The following PANK1 variants were observed in gnomAD, a reference collection of about 807,000 sequenced individuals.
PANK1 encodes pantothenic acid kinase 1.
In PANK1, 18 loss-of-function variants were observed where a neutral mutation model predicts 40.1. The ratio of observed to expected loss-of-function variants is 0.45; its 90% CI spans 0.31 to 0.67. The LOEUF is 0.67. Among genes scored for constraint, PANK1 ranks in the 30% least tolerant of loss-of-function variants. PANK1 has a pLI of 0.06. For synonymous variants in PANK1, 242 were observed against 237.7 expected, an observed-to-expected ratio of 1.02 and a Z score of -0.17; for missense variants, 457 against 599.6, an observed-to-expected ratio of 0.76 and a Z score of 2.48.
intron 4 of PANK1, 71 bp from the exon 5 acceptor site, chr10:89,593,391 T>TTG: frequency 3.3e-6 from 5 of 1,515,486 alleles, no homozygotes; most frequent in Middle Eastern, 2.3e-4. Flanking sequence ...ACCAAAGTAT[T>TTG]GTGGAAGGCT....
In PANK1 at chr10:89,583,529, G is replaced by A. The variant is rs1844099117; in HGVS notation, c.*877C>T. ...CAAATTTCTTGCACAAAGATTTGCT[G>A]CCATTCATATTCTGTGCATGGATGA... On this transcript the variant is annotated 3_prime_UTR_variant, in exon 7 of 7. Coordinates refer to ENST00000307534, the MANE Select transcript of PANK1 (RefSeq NM_148977.3). The A allele has an allele frequency of 6.6e-6, 1 of 152,152 alleles. No individual in the cohort carries two copies. Among genetic ancestry groups the A allele is most frequent in the Non-Finnish European group, 1.5e-5 (1 of 68,026 alleles). The allele number at this position is 152,152 out of a possible 1,614,324, so 9.4% of individuals were successfully genotyped here.
chr10:89,626,169 G>A (rs1450914528), intron 1 of PANK1: 1 of 152,162 alleles, frequency 6.6e-6, no homozygotes, highest in Admixed American at 6.5e-5. Context: ...CTGTGCAGAG[G>A]AGGTGGGAGG....
At chr10:89,614,731 AG>A (rs1845267246) in intron 1 of PANK1, among the ~76,000 whole-genome samples, 1 of 152,062 alleles carries the variant, frequency 6.6e-6, no homozygotes, top group African/African-American at 2.4e-5. Context: ...AGGGAGGCAG[AG>A]GTTGCAGCGA....
intron 1 of PANK1, among the ~76,000 whole-genome samples, chr10:89,636,881 A>G (rs932370258): frequency 6.2e-5 from 9 of 146,096 alleles, no homozygotes; most frequent in African/African-American, 2.3e-4. Flanking sequence ...TTTTTTTTTG[A>G]GACAGAGTCT....
intron 4 of PANK1, 43 bp from the exon 5 acceptor site, chr10:89,593,363 G>C: frequency 6.2e-7 from 1 of 1,600,560 alleles, no homozygotes; most frequent in South Asian, 1.1e-5. Context: ...ATCGTCCTCA[G>C]GCAGGGCCCA....
At chr10:89,605,131 G>A (rs1844919599) in intron 2 of PANK1, among the ~76,000 whole-genome samples, 1 of 151,890 alleles carries the variant, frequency 6.6e-6, no homozygotes, top group Admixed American at 6.6e-5. Flanking sequence ...CGAATCATCT[G>A]AGCCTTCAGA....
chr10:89,587,319 G>A (rs966293778), intron 6 of PANK1, among the ~76,000 whole-genome samples: 1 of 152,054 alleles, frequency 6.6e-6, no homozygotes, highest in African/African-American at 2.4e-5. Context: ...CCTTAAATTT[G>A]TTTATGACAG....
chr10:89,601,631 T>C (rs1844789723), intron 2 of PANK1, among the ~76,000 whole-genome samples: 1 of 152,220 alleles, frequency 6.6e-6, no homozygotes, highest in Non-Finnish European at 1.5e-5. Context: ...AGAACGGAAT[T>C]AGTTAGAATA....
intron 1 of PANK1, chr10:89,643,982 C>T: frequency 1.4e-6 from 1 of 733,370 alleles, no homozygotes; most frequent in Non-Finnish European, 2.0e-6. Context: ...CATTGGTCCA[C>T]ATAGTTCCGG....
At chr10:89,633,202 T>G (rs1025454359) in intron 1 of PANK1, among the ~76,000 whole-genome samples, 4 of 152,088 alleles carry the variant, frequency 2.6e-5, no homozygotes, top group Admixed American at 1.3e-4. Context: ...AATGCAGAGT[T>G]GGGAAGTCAT....
Position 89,593,989 on chromosome 10 carries a change from A to G in PANK1, c.900T>C (p.Ser300=). The change falls in exon 4 of 7, where the codon AGT becomes AGC. Residue 300 remains serine, a splice_region_variant and synonymous_variant. Transcript: ENST00000307534. The stretch of plus-strand genomic sequence containing the variant: ...GGCCTAGGAATGTTCCACCTCCAAG[A>G]CTGAAGGAATAATAAGGTTTATTTT... ...KDNYKRVTGT[S]LGGGTFLGLC... 1 of 1,608,568 alleles carries G rather than the reference A, an allele frequency of 6.2e-7. No homozygotes were observed. Among genetic ancestry groups the G allele is most frequent in the Non-Finnish European group, 8.5e-7 (1 of 1,175,092 alleles).
chr10:89,608,030 CTT>C (rs33976210), intron 2 of PANK1, among the ~76,000 whole-genome samples: 32 of 111,000 alleles, frequency 2.9e-4, no homozygotes, highest in Middle Eastern at 4.3e-3. Flanking sequence ...TGATCCTAAA[CTT>C]TTTTTTTTTT....
In PANK1 at chr10:89,631,974, G is replaced by GTTT. The variant is rs201457497; in HGVS notation, c.292+12625_292+12626insAAA. On this transcript the variant is annotated intron_variant, in intron 1 of 6. Coordinates refer to ENST00000307534, the MANE Select transcript of PANK1 (RefSeq NM_148977.3). The stretch of plus-strand genomic sequence containing the variant: ...TAACAGATTGTGTGTGTGTGTGTGT[G>GTTT]TGTTTTTTTTTTTAAAAAGGGTTCT... Among the ~76,000 whole-genome samples, 492 of 78,544 alleles carry GTTT rather than the reference G, an allele frequency of 6.3e-3. 4 individuals are homozygous for GTTT. The highest frequency in any genetic ancestry group is 0.027 in the African/African-American group (451 of 16,474). The allele number at this position is 78,544 out of a possible 152,430, so 51.5% of individuals were successfully genotyped here.
In PANK1 at chr10:89,644,810, T is replaced by C; in HGVS notation, c.82A>G (p.Asn28Asp). The stretch of plus-strand genomic sequence containing the variant: ...TGGAAGCCGTTGTGCAGCAGCCCGT[T>C]CACAGCGGCGGCGCTGGTGCCCACG... ...APVGTSAAAV[N>D]GLLHNGFHPP... Residue 28 changes from asparagine (N) to aspartate (D), a missense_variant, in exon 1 of 7, where the codon AAC (asparagine) becomes GAC (aspartate). Asn to Asp is a conservative substitution (Grantham distance 23). Transcript: ENST00000307534. 1 of 1,461,242 alleles carries C rather than the reference T, an allele frequency of 6.8e-7. No homozygotes were observed. Among genetic ancestry groups the C allele is most frequent in the Non-Finnish European group, 9.0e-7 (1 of 1,115,358 alleles). 90.5% of individuals were successfully genotyped at this position (1,461,242 alleles called of 1,614,324 possible).
At chr10:89,621,335 T>C (rs1287538566) in intron 1 of PANK1, among the ~76,000 whole-genome samples, 1 of 151,976 alleles carries the variant, frequency 6.6e-6, no homozygotes, top group Non-Finnish European at 1.5e-5. Flanking sequence ...TTAAATCCAA[T>C]TGTGTAATGA....
At chr10:89,613,160 TGCAATGAACACAGA>T (rs1367684337) in intron 1 of PANK1, among the ~76,000 whole-genome samples, 1 of 152,220 alleles carries the variant, frequency 6.6e-6, no homozygotes, top group Non-Finnish European at 1.5e-5. Context: ...TCAAATGCTC[TGCAATGAACACAGA>T]GCAAACCCAA....
chr10:89,599,634 T>C, intron 2 of PANK1, 129 bp from the exon 3 acceptor site: 12 of 911,406 alleles, frequency 1.3e-5, no homozygotes, highest in Non-Finnish European at 2.0e-5. Context: ...AAACAAGTTG[T>C]AAAATCTTGC....
intron 1 of PANK1, among the ~76,000 whole-genome samples, chr10:89,627,591 C>T (rs1841513128): frequency 6.6e-6 from 1 of 152,152 alleles, no homozygotes; most frequent in South Asian, 2.1e-4. Context: ...CGGCAATGAG[C>T]CAGCCCCCTT....
At chr10:89,642,344 A>C (rs1229398600) in intron 1 of PANK1, among the ~76,000 whole-genome samples, 7 of 152,276 alleles carry the variant, frequency 4.6e-5, no homozygotes. Context: ...CATGCATTCC[A>C]GGTGCATTTA....
Sources: gnomAD v4.1 joint callset for allele counts (sites outside exome capture counted in the v4.1 genomes callset) on GRCh38, gnomAD v4.1.1 for gene constraint, MANE v1.5 for transcripts, NCBI Gene and HGNC (gene_info 2026-07-23, HGNC 2026-07-21) for gene names.